The following AAGAB variants were observed in gnomAD, a reference collection of about 807,000 sequenced individuals.
The protein encoded by AAGAB is alpha- and gamma-adaptin-binding protein p34.
In AAGAB, 38 loss-of-function variants were observed where a neutral mutation model predicts 44.1. The observed-to-expected ratio is 0.86, with a 90% confidence interval of 0.67 to 1.13. The LOEUF (loss-of-function observed/expected upper bound fraction) is 1.13. Among genes scored for constraint, AAGAB ranks in the 50% most tolerant of loss-of-function variants. AAGAB has a pLI of 0.00. For missense variants in AAGAB, 450 were observed against 373.8 expected, an observed-to-expected ratio of 1.20 and a Z score of -1.68; for synonymous variants, 131 against 131.8, an observed-to-expected ratio of 0.99 and a Z score of 0.04.
intron 1 of AAGAB, among the ~76,000 whole-genome samples, chr15:67,250,365 C>T (rs1357596882): frequency 6.6e-6 from 1 of 152,014 alleles, no homozygotes; most frequent in African/African-American, 2.4e-5. Context: ...TTAGTAGAGA[C>T]GGGGTTTCTC....
intron 5 of AAGAB, 77 bp downstream of exon 5, chr15:67,231,737 G>T (rs1964339748): frequency 1.8e-5 from 21 of 1,188,970 alleles, no homozygotes; most frequent in Non-Finnish European, 2.2e-5. Context: ...AGCACTAATG[G>T]TTCCACATAT....
At chr15:67,223,766 T>C (rs1418452518) in intron 5 of AAGAB, among the ~76,000 whole-genome samples, 1 of 152,318 alleles carries the variant, frequency 6.6e-6, no homozygotes, top group Non-Finnish European at 1.5e-5. Context: ...AAAGTTATTA[T>C]GATGGCCTTC....
intron 7 of AAGAB, among the ~76,000 whole-genome samples, chr15:67,207,694 T>TAAA (rs150431723): frequency 0.01 from 1,585 of 152,326 alleles, 26 homozygotes; most frequent in African/African-American, 0.037. Flanking sequence ...TACTGTTTTC[T>TAAA]AAAGTTACTT....
intron 7 of AAGAB, 38 bp downstream of exon 7, chr15:67,208,524 C>A: frequency 3.2e-6 from 5 of 1,579,182 alleles, no homozygotes; most frequent in Non-Finnish European, 4.4e-6. Context: ...TTCCAAGTTG[C>A]ACAAAGCTCT....
intron 7 of AAGAB, among the ~76,000 whole-genome samples, chr15:67,205,575 G>A (rs1963666096): frequency 6.6e-6 from 1 of 152,142 alleles, no homozygotes. Context: ...AGAAAACCAG[G>A]CGACACCGTG....
intron 5 of AAGAB, among the ~76,000 whole-genome samples, chr15:67,223,895 C>T (rs751198426): frequency 3.3e-5 from 5 of 152,214 alleles, no homozygotes; most frequent in African/African-American, 4.8e-5. Context: ...TTTGCTATAG[C>T]TGTTCCCTGT....
intron 7 of AAGAB, among the ~76,000 whole-genome samples, chr15:67,207,330 A>C (rs1963708855): frequency 6.6e-6 from 1 of 152,248 alleles, no homozygotes; most frequent in African/African-American, 2.4e-5. Context: ...ATATGTGTGT[A>C]TACTAATACA....
intron 4 of AAGAB, among the ~76,000 whole-genome samples, chr15:67,234,599 A>G (rs1010787591): frequency 6.6e-6 from 1 of 152,248 alleles, no homozygotes; most frequent in Non-Finnish European, 1.5e-5. Flanking sequence ...TAAAGATGAC[A>G]TATCAAAAAA....
intron 8 of AAGAB, among the ~76,000 whole-genome samples, 183 bp from the exon 9 acceptor site, chr15:67,203,780 AG>A (rs1295604157): frequency 6.6e-6 from 1 of 152,218 alleles, no homozygotes; most frequent in Non-Finnish European, 1.5e-5. Flanking sequence ...GTAAATTGGT[AG>A]GGATCTTACA....
intron 4 of AAGAB, among the ~76,000 whole-genome samples, chr15:67,233,175 A>G (rs911406396): frequency 1.3e-5 from 2 of 152,228 alleles, no homozygotes; most frequent in Admixed American, 6.5e-5. Context: ...CCATAGAATA[A>G]TAAGTGTTAT....
At chr15:67,237,083 GA>G (rs996344182) in intron 1 of AAGAB, among the ~76,000 whole-genome samples, 1 of 151,886 alleles carries the variant, frequency 6.6e-6, no homozygotes, top group Non-Finnish European at 1.5e-5. Flanking sequence ...AGTAGTAAAG[GA>G]AAAAACAGTC....
chr15:67,239,312 T>C (rs1435408217), intron 1 of AAGAB, among the ~76,000 whole-genome samples: 1 of 152,244 alleles, frequency 6.6e-6, no homozygotes, highest in Non-Finnish European at 1.5e-5. Context: ...CCATTAATGA[T>C]GGCTAATTTT....
In AAGAB at chr15:67,236,082, C is replaced by T; in HGVS notation, c.362-14G>A. 1 of 1,561,594 alleles carries T rather than the reference C, an allele frequency of 6.4e-7. No individual in the cohort carries two copies. Among genetic ancestry groups the T allele is most frequent in the Non-Finnish European group, 8.8e-7 (1 of 1,138,962 alleles). On this transcript the variant is annotated splice_polypyrimidine_tract_variant and intron_variant, in intron 3 of 9. Transcript: ENST00000261880. ...GTCGGTTTATACCTAAAATAATATG[C>T]AAAAGAATCTTCATAAGTAAAAAGA...
At chr15:67,205,996 A>C (rs1353241643) in intron 7 of AAGAB, among the ~76,000 whole-genome samples, 1 of 152,194 alleles carries the variant, frequency 6.6e-6, no homozygotes, top group Non-Finnish European at 1.5e-5. Flanking sequence ...TATAAAAATC[A>C]AGAAGTTAAT....
At chr15:67,236,948 C>G (rs561148993) in intron 1 of AAGAB, 128 bp from the exon 2 acceptor site, 1 of 657,748 alleles carries the variant, frequency 1.5e-6, no homozygotes, top group Non-Finnish European at 2.5e-6. Flanking sequence ...TTCAAAGGAC[C>G]CTGCATTTAT....
intron 1 of AAGAB, among the ~76,000 whole-genome samples, chr15:67,253,411 G>A (rs71400363): frequency 6.6e-6 from 1 of 152,008 alleles, no homozygotes; most frequent in Non-Finnish European, 1.5e-5. Flanking sequence ...CTGGGCAGCA[G>A]AGTGAGACCC....
chr15:67,233,970 C>T (rs911276198), intron 4 of AAGAB, among the ~76,000 whole-genome samples: 5 of 151,746 alleles, frequency 3.3e-5, no homozygotes, highest in Middle Eastern at 3.2e-3. Flanking sequence ...CTGCTGGGCG[C>T]GGTGGCTCAT....
At chr15:67,229,431 T>C (rs1431941272) in intron 5 of AAGAB, among the ~76,000 whole-genome samples, 1 of 143,496 alleles carries the variant, frequency 7.0e-6, no homozygotes, top group Non-Finnish European at 1.5e-5. Context: ...AGAGTCCGTC[T>C]TAAAAAAAAA....
chr15:67,212,992 C>G (rs1016433662), intron 5 of AAGAB, among the ~76,000 whole-genome samples: 1 of 152,110 alleles, frequency 6.6e-6, no homozygotes, highest in African/African-American at 2.4e-5. Flanking sequence ...GCTCTAGCAT[C>G]TATGGTTTTA....
Sources: gnomAD v4.1 joint callset for allele counts (sites outside exome capture counted in the v4.1 genomes callset) on GRCh38, gnomAD v4.1.1 for gene constraint, MANE v1.5 for transcripts, NCBI Gene and HGNC (gene_info 2026-07-23, HGNC 2026-07-21) for gene names.